Variants in CACNA2D3 observed in about 807,000 individuals in gnomAD.
The protein encoded by CACNA2D3 is calcium voltage-gated channel auxiliary subunit alpha2delta 3.
In CACNA2D3, 60 loss-of-function variants were observed where a neutral mutation model predicts 160.6. That is an observed-to-expected ratio of 0.37 (90% CI 0.30 to 0.46). The LOEUF (loss-of-function observed/expected upper bound fraction) is 0.46. CACNA2D3 is among the 20% of genes least tolerant of loss of function. CACNA2D3 has a pLI of 1.00. For missense variants in CACNA2D3, 1,205 were observed against 1,365.0 expected, an observed-to-expected ratio of 0.88 and a Z score of 1.85; for synonymous variants, 558 against 492.9, an observed-to-expected ratio of 1.13 and a Z score of -1.75.
At chr3:54,823,387 AGTT>A (rs1703684534) in intron 14 of CACNA2D3, among the ~76,000 whole-genome samples, 1 of 149,916 alleles carries the variant, frequency 6.7e-6, no homozygotes. Flanking sequence ...CTTTTTTAAA[AGTT>A]TTTTTTTAGC....
Position 54,846,397 on chromosome 3 carries a change from G to T in CACNA2D3, c.1556G>T (p.Gly519Val). The change falls in exon 17 of 38, where the codon GGG becomes GTG. Residue 519 changes from glycine (G) to valine (V), a missense_variant. Gly to Val is a moderately radical substitution (Grantham distance 109, BLOSUM62 -3). Coordinates refer to ENST00000474759, the MANE Select transcript of CACNA2D3 (RefSeq NM_018398.3). ...CTTTCTTGCTTCCTCTTACAGTTAGGGATTCACGGTTATGCCTTTGCAATC... is the reference window on the plus strand; with the variant it reads ...CTTTCTTGCTTCCTCTTACAGTTAGTGATTCACGGTTATGCCTTTGCAATC... ...LLKTIPKYKL[G>V]IHGYAFAITN... 1 of 1,601,620 alleles carries T rather than the reference G, an allele frequency of 6.2e-7. No homozygotes were observed. The highest frequency in any genetic ancestry group is 8.5e-7 in the Non-Finnish European group (1 of 1,172,654).
chr3:54,458,405 T>C (rs1700437341), intron 4 of CACNA2D3, among the ~76,000 whole-genome samples: 1 of 152,106 alleles, frequency 6.6e-6, no homozygotes, highest in Non-Finnish European at 1.5e-5. Flanking sequence ...ACTTTATTTC[T>C]CTTTCATTTC....
intron 2 of CACNA2D3, among the ~76,000 whole-genome samples, chr3:54,163,997 A>T (rs1213786861): frequency 6.6e-6 from 1 of 152,216 alleles, no homozygotes; most frequent in African/African-American, 2.4e-5. Context: ...CACTGCAGGT[A>T]CCTAATGCAA....
At chr3:54,156,676 A>G (rs1700251144) in intron 2 of CACNA2D3, among the ~76,000 whole-genome samples, 1 of 152,210 alleles carries the variant, frequency 6.6e-6, no homozygotes, top group African/African-American at 2.4e-5. Flanking sequence ...GGAGCCAGCC[A>G]CCATGTCATG....
intron 3 of CACNA2D3, among the ~76,000 whole-genome samples, chr3:54,345,953 A>G (rs9848889): frequency 0.12 from 17,634 of 152,054 alleles, 1,138 homozygotes; most frequent in South Asian, 0.16. Context: ...GTGTCATGAC[A>G]TCTGTCCTCC....
At chr3:54,436,778 G>A (rs929581021) in intron 4 of CACNA2D3, among the ~76,000 whole-genome samples, 9 of 152,258 alleles carry the variant, frequency 5.9e-5, no homozygotes, top group East Asian at 1.9e-4. Flanking sequence ...GGGGCCTGTC[G>A]GGGGTGGGGA....
At chr3:54,462,704 A>G (rs1700530349) in intron 4 of CACNA2D3, among the ~76,000 whole-genome samples, 1 of 152,162 alleles carries the variant, frequency 6.6e-6, no homozygotes, top group Non-Finnish European at 1.5e-5. Context: ...AATACAGCAC[A>G]CTGATGGGTC....
At chr3:54,697,403 T>C (rs998500327) in intron 11 of CACNA2D3, among the ~76,000 whole-genome samples, 1 of 152,152 alleles carries the variant, frequency 6.6e-6, no homozygotes, top group African/African-American at 2.4e-5. Flanking sequence ...CACAGTAAAG[T>C]TTGAGGACCA....
chr3:54,285,818 G>A (rs1703005288), intron 2 of CACNA2D3, among the ~76,000 whole-genome samples: 1 of 152,248 alleles, frequency 6.6e-6, no homozygotes, highest in African/African-American at 2.4e-5. Context: ...CTGGCAAACA[G>A]GGTCTGGAGT....
At chr3:54,719,894 T>G in intron 11 of CACNA2D3, among the ~76,000 whole-genome samples, 1 of 152,128 alleles carries the variant, frequency 6.6e-6, no homozygotes, top group South Asian at 2.1e-4. Flanking sequence ...TTGAGGAATG[T>G]GTCCATTTCC....
chr3:54,272,829 C>G (rs1702647051), intron 2 of CACNA2D3: 1 of 152,262 alleles, frequency 6.6e-6, no homozygotes, highest in East Asian at 1.9e-4. Flanking sequence ...TGTTTCCAGT[C>G]CGGGTAGACT....
intron 27 of CACNA2D3, among the ~76,000 whole-genome samples, chr3:54,930,403 C>A (rs1701154925): frequency 1.3e-5 from 2 of 152,172 alleles, no homozygotes; most frequent in Non-Finnish European, 1.5e-5. Flanking sequence ...ACTCTACTTA[C>A]CAGCTTTAAG....
chr3:54,740,094 C>T (rs1292088880), intron 11 of CACNA2D3, among the ~76,000 whole-genome samples: 1 of 151,864 alleles, frequency 6.6e-6, no homozygotes, highest in Admixed American at 6.6e-5. Context: ...TAACACAAGT[C>T]AGTTGTCAGC....
intron 11 of CACNA2D3, among the ~76,000 whole-genome samples, chr3:54,700,553 T>C (rs1700749662): frequency 6.6e-6 from 1 of 152,226 alleles, no homozygotes; most frequent in Admixed American, 6.5e-5. Context: ...GGACATTGTT[T>C]CTCCAGAGGA....
chr3:54,574,819 A>G (rs1702555819), intron 8 of CACNA2D3, among the ~76,000 whole-genome samples: 1 of 152,272 alleles, frequency 6.6e-6, no homozygotes, highest in Non-Finnish European at 1.5e-5. Context: ...ATATTGTTAC[A>G]TCAATTTAAA....
rs1283813319 is a variant in CACNA2D3, at chr3:54,808,692, T to G, written c.1381-8161T>G. Among the ~76,000 whole-genome samples, 3 of 152,292 alleles carry G rather than the reference T, an allele frequency of 2.0e-5. No individual in the cohort carries two copies. The East Asian group carries it at 5.8e-4, about 29-fold the overall frequency. On this transcript the variant is annotated intron_variant, in intron 13 of 37. Transcript: ENST00000474759. ...CATAAAGAGATAAGTGTTCTGGATT[T>G]CTCACCTGTAAAATTGTAGTAATAA...
At chr3:54,288,725 T>C (rs1193991693) in intron 2 of CACNA2D3, among the ~76,000 whole-genome samples, 2 of 152,232 alleles carry the variant, frequency 1.3e-5, no homozygotes, top group Non-Finnish European at 1.5e-5. Flanking sequence ...TTATCCACCA[T>C]GATCAAGTGG....
At chr3:54,342,409 A>G (rs1463203876) in intron 3 of CACNA2D3, among the ~76,000 whole-genome samples, 1 of 152,134 alleles carries the variant, frequency 6.6e-6, no homozygotes, top group African/African-American at 2.4e-5. Flanking sequence ...AAGGCATAAA[A>G]TTGCGTTGAA....
intron 2 of CACNA2D3, among the ~76,000 whole-genome samples, chr3:54,195,589 C>T (rs1701063965): frequency 6.6e-6 from 1 of 152,146 alleles, no homozygotes; most frequent in South Asian, 2.1e-4. Context: ...AAGTGGGGTA[C>T]AAGGAGGTTG....
Sources: allele counts gnomAD v4.1 joint callset (sites outside exome capture counted in the v4.1 genomes callset), GRCh38; gene constraint gnomAD v4.1.1; transcripts MANE v1.5; gene names NCBI Gene and HGNC (gene_info 2026-07-23, HGNC 2026-07-21).